The following VAV3 variants were observed in gnomAD, a reference collection of about 807,000 sequenced individuals.
VAV3 encodes vav guanine nucleotide exchange factor 3, also known as guanine nucleotide exchange factor VAV3.
In VAV3, 94 loss-of-function variants were observed where a neutral mutation model predicts 131.2. That is an observed-to-expected ratio of 0.72 (90% CI 0.61 to 0.85). VAV3 has a LOEUF of 0.85. Ranked by LOEUF, VAV3 falls within the 40% of genes least tolerant of loss-of-function variation. VAV3 has a pLI of 0.00. For synonymous variants in VAV3, 349 were observed against 342.0 expected, an observed-to-expected ratio of 1.02 and a Z score of -0.22; for missense variants, 939 against 1,002.7, an observed-to-expected ratio of 0.94 and a Z score of 0.86.
intron 17 of VAV3, among the ~76,000 whole-genome samples, chr1:107,702,229 G>C (rs544348287): frequency 1.3e-5 from 2 of 152,176 alleles, no homozygotes; most frequent in Non-Finnish European, 2.9e-5. Flanking sequence ...CAGAGAGCAA[G>C]AGCAAGAAAT....
intron 18 of VAV3, 104 bp downstream of exon 18, chr1:107,688,277 A>T: frequency 7.5e-7 from 1 of 1,329,160 alleles, no homozygotes; most frequent in Admixed American, 2.6e-5. Context: ...ATTTCTATTT[A>T]TTTTAAAAGG....
intron 24 of VAV3, among the ~76,000 whole-genome samples, chr1:107,601,309 T>G (rs934657857): frequency 8.5e-5 from 13 of 152,212 alleles, no homozygotes; most frequent in African/African-American, 3.1e-4. Flanking sequence ...GATCTTTACA[T>G]CCATAGAGAT....
chr1:107,940,237 C>T lies in VAV3; in HGVS notation c.204+24429G>A, dbSNP rs929245546. On this transcript the variant is annotated intron_variant, in intron 1 of 26. Coordinates refer to ENST00000370056, the MANE Select transcript of VAV3 (RefSeq NM_006113.5). ...TTCAGAGCCTCAGATGTTGAGTCAA[C>T]GTTATCTCAAATCTTTGACATCCTC... Among the ~76,000 whole-genome samples, 5 of 152,236 alleles carry T rather than the reference C, an allele frequency of 3.3e-5. No homozygotes were observed. In the South Asian group the frequency reaches 6.2e-4, roughly 19 times the overall value.
chr1:107,630,477 T>A (rs1337928269), intron 20 of VAV3, among the ~76,000 whole-genome samples: 1 of 152,120 alleles, frequency 6.6e-6, no homozygotes, highest in African/African-American at 2.4e-5. Flanking sequence ...CAGATAAAAC[T>A]GAGGCCCACT....
At chr1:107,614,695 C>T (rs767456156) in intron 21 of VAV3, among the ~76,000 whole-genome samples, 3 of 152,080 alleles carry the variant, frequency 2.0e-5, no homozygotes, top group Non-Finnish European at 2.9e-5. Flanking sequence ...TCTACCATTG[C>T]TAATGTTCTA....
intron 1 of VAV3, among the ~76,000 whole-genome samples, chr1:107,882,870 A>G (rs1265887480): frequency 2.6e-5 from 4 of 152,142 alleles, no homozygotes; most frequent in South Asian, 2.1e-4. Context: ...GCACAATATG[A>G]AGCTTCAAAT....
chr1:107,749,181 A>G (rs762105935), intron 14 of VAV3, 104 bp from the exon 15 acceptor site: 3 of 910,596 alleles, frequency 3.3e-6, no homozygotes, highest in South Asian at 1.6e-5. Flanking sequence ...AATATTATCA[A>G]TGTACAAACT....
intron 1 of VAV3, among the ~76,000 whole-genome samples, chr1:107,942,204 C>T (rs747305665): frequency 6.6e-6 from 1 of 152,088 alleles, no homozygotes; most frequent in Non-Finnish European, 1.5e-5. Context: ...TATTGCTATC[C>T]CAGGGTCACC....
intron 2 of VAV3, among the ~76,000 whole-genome samples, chr1:107,785,234 C>A (rs1665916411): frequency 6.6e-6 from 1 of 152,152 alleles, no homozygotes; most frequent in Non-Finnish European, 1.5e-5. Context: ...TTATGGCTAC[C>A]TTTAAGGTCC....
chr1:107,693,285 C>T (rs1027323327), intron 17 of VAV3, among the ~76,000 whole-genome samples: 2 of 152,130 alleles, frequency 1.3e-5, no homozygotes, highest in African/African-American at 4.8e-5. Context: ...CCATGCACAT[C>T]CTCAAATGTT....
At chr1:107,908,173 G>A (rs1672192947) in intron 1 of VAV3, among the ~76,000 whole-genome samples, 1 of 152,184 alleles carries the variant, frequency 6.6e-6, no homozygotes, top group Non-Finnish European at 1.5e-5. Flanking sequence ...AGGTTCTGTG[G>A]ATGAAAGGCA....
intron 19 of VAV3, among the ~76,000 whole-genome samples, chr1:107,655,785 G>T (rs970243365): frequency 3.3e-5 from 5 of 152,056 alleles, no homozygotes; most frequent in African/African-American, 1.2e-4. Context: ...TTAAAAATGA[G>T]CTAAAGATCT....
chr1:107,578,870 A>G (rs1649839631), intron 25 of VAV3: 1 of 985,166 alleles, frequency 1.0e-6, no homozygotes, highest in African/African-American at 1.7e-5. Context: ...CTGGAATATA[A>G]CAAGAGATAA....
At chr1:107,582,875 G>C (rs897191391) in intron 25 of VAV3, among the ~76,000 whole-genome samples, 1 of 151,982 alleles carries the variant, frequency 6.6e-6, no homozygotes, top group African/African-American at 2.4e-5. Context: ...ATAAACATAC[G>C]TGTGCATGTG....
chr1:107,777,848 T>C (rs1260014989), intron 3 of VAV3: 2 of 152,592 alleles, frequency 1.3e-5, no homozygotes, highest in African/African-American at 2.4e-5. Context: ...CTTTAGGGTA[T>C]TTAAGCTGTA....
In VAV3 at chr1:107,634,886, C is replaced by T. The variant is rs547507034; in HGVS notation, c.1914+7733G>A. Among the ~76,000 whole-genome samples the T allele has an allele frequency of 1.8e-4, 28 of 152,074 alleles. No individual in the cohort carries two copies. The South Asian group carries it at 5.2e-3, about 28-fold the overall frequency. On this transcript the variant is annotated intron_variant, in intron 20 of 26. Transcript: ENST00000370056. ...ATGAAAAAATGCTCATCATCACTTGCCATCAGAGAAATGCAAATCAAAACC... is the reference window on the plus strand; with the variant it reads ...ATGAAAAAATGCTCATCATCACTTGTCATCAGAGAAATGCAAATCAAAACC...
At chr1:107,869,466 C>T (rs1407129835) in intron 2 of VAV3, among the ~76,000 whole-genome samples, 1 of 151,962 alleles carries the variant, frequency 6.6e-6, no homozygotes. Context: ...TACCTTGGAC[C>T]TTGACACTCT....
At chr1:107,687,077 T>C (rs976842609) in intron 18 of VAV3, among the ~76,000 whole-genome samples, 3 of 152,172 alleles carry the variant, frequency 2.0e-5, no homozygotes, top group Admixed American at 1.3e-4. Context: ...AGAATCCTGA[T>C]AGCCCTAGTG....
rs1463627570 is a variant in VAV3, at chr1:107,617,019, TATTA to T, written c.1980+544_1980+547del. On this transcript the variant is annotated intron_variant, in intron 21 of 26. Transcript: ENST00000370056. ...CATTTTAGGTTACATTCACCTGTAA[TATTA>T]ATTGAGGAAATGTTCATTTATTCTC... 3.3e-5 allele frequency among the ~76,000 whole-genome samples: 5 copies of T among 152,210 alleles called. No individual in the cohort carries two copies. The East Asian group carries it at 9.6e-4, about 29-fold the overall frequency.
Sources: allele counts gnomAD v4.1 joint callset (sites outside exome capture counted in the v4.1 genomes callset), GRCh38; gene constraint gnomAD v4.1.1; transcripts MANE v1.5; gene names NCBI Gene and HGNC (gene_info 2026-07-23, HGNC 2026-07-21).